RBM26: variants seen among roughly 807,000 people sequenced by gnomAD.
RBM26 encodes RNA-binding protein 26.
In RBM26, 30 loss-of-function variants were observed where a neutral mutation model predicts 123.6. The ratio of observed to expected loss-of-function variants is 0.24; its 90% CI spans 0.18 to 0.33. The LOEUF (loss-of-function observed/expected upper bound fraction) is 0.33, where lower values mean the gene tolerates loss of function less well. Among genes scored for constraint, RBM26 ranks in the 10% least tolerant of loss-of-function variants. RBM26 has a pLI of 1.00. For missense variants in RBM26, 947 were observed against 1,203.6 expected, an observed-to-expected ratio of 0.79 and a Z score of 3.15; for synonymous variants, 400 against 404.4, an observed-to-expected ratio of 0.99 and a Z score of 0.13.
At position 79,346,356 on chromosome 13, in the gene RBM26, T is replaced by C. The variant is rs146373218; in HGVS notation, c.2059-1562A>G. On this transcript the variant is annotated intron_variant, in intron 14 of 21. Coordinates refer to ENST00000438737, the MANE Select transcript of RBM26 (RefSeq NM_001366735.2). ...ATTTAAAAAGAAAGGTTCTTAACAATATTTGATGTGTATTAAAATTTGATC... is the reference window on the plus strand; with the variant it reads ...ATTTAAAAAGAAAGGTTCTTAACAACATTTGATGTGTATTAAAATTTGATC... 6.9e-3 allele frequency among the ~76,000 whole-genome samples: 1,044 copies of C among 152,294 alleles called. 19 individuals carry two copies. Among genetic ancestry groups the C allele is most frequent in the African/African-American group, 0.023 (964 of 41,554 alleles).
At chr13:79,375,957 T>C (rs1267688780) in intron 3 of RBM26, among the ~76,000 whole-genome samples, 6 of 152,014 alleles carry the variant, frequency 3.9e-5, no homozygotes, top group Admixed American at 1.3e-4. Context: ...AGTAAAATAA[T>C]GTATATAAAG....
At chr13:79,400,753 T>C (rs955469382) in intron 1 of RBM26, among the ~76,000 whole-genome samples, 1 of 152,196 alleles carries the variant, frequency 6.6e-6, no homozygotes, top group Non-Finnish European at 1.5e-5. Context: ...ACACTGATGT[T>C]ATACACGCAT....
intron 17 of RBM26, 47 bp from the exon 18 acceptor site, chr13:79,341,274 G>A (rs771122669): frequency 8.3e-7 from 1 of 1,199,090 alleles, no homozygotes; most frequent in South Asian, 1.3e-5. Context: ...TTACTATCCT[G>A]TATTGATACA....
chr13:79,364,551 T>C (rs186560859), intron 9 of RBM26, among the ~76,000 whole-genome samples: 3 of 152,338 alleles, frequency 2.0e-5, no homozygotes, highest in Admixed American at 2.0e-4. Context: ...GGAAATATTT[T>C]CCATTATGTC....
At chr13:79,329,168 G>C (rs9593391) in intron 20 of RBM26, among the ~76,000 whole-genome samples, 73,095 of 151,724 alleles carry the variant, frequency 0.48, 18,141 homozygotes, top group East Asian at 0.72. Context: ...AAAAACCATA[G>C]AGTCTAGAAT....
intron 6 of RBM26, among the ~76,000 whole-genome samples, chr13:79,367,539 CCCTCCCAAGGTAA>C (rs1413939756): frequency 4.8e-4 from 72 of 151,540 alleles, no homozygotes; most frequent in African/African-American, 1.7e-3. Flanking sequence ...TAGCTTGGTG[CCCTCCCAAGGTAA>C]CAAGTGAGTT....
chr13:79,351,595 T>C (rs1194840690), intron 14 of RBM26, among the ~76,000 whole-genome samples: 21 of 8,264 alleles, frequency 2.5e-3, no homozygotes, highest in Non-Finnish European at 8.0e-4. Flanking sequence ...TGGAATTTAG[T>C]TGGGGCGGCG....
chr13:79,340,838 G>C (rs930348773), intron 18 of RBM26, among the ~76,000 whole-genome samples: 6 of 151,828 alleles, frequency 4.0e-5, no homozygotes, highest in African/African-American at 1.2e-4. Context: ...TTCTATTCCA[G>C]GGAGGACAGA....
intron 9 of RBM26, among the ~76,000 whole-genome samples, chr13:79,364,347 A>G (rs764195909): frequency 1.8e-4 from 28 of 152,198 alleles, no homozygotes; most frequent in Non-Finnish European, 3.5e-4. Context: ...AAAAACACAA[A>G]GTATATGTAA....
At chr13:79,394,158 C>A (rs1227242912) in intron 1 of RBM26, among the ~76,000 whole-genome samples, 1 of 152,232 alleles carries the variant, frequency 6.6e-6, no homozygotes, top group Non-Finnish European at 1.5e-5. Flanking sequence ...TCTGCTGGCA[C>A]ATTGTGGGGA....
Position 79,377,413 on chromosome 13 carries a change from A to G in RBM26, c.293T>C (p.Phe98Ser), listed in dbSNP as rs1334762350. Residue 98 changes from phenylalanine to serine, a missense_variant, in exon 3 of 22, where the codon TTT becomes TCT. Physicochemically the swap from Phe to Ser is radical, Grantham distance 155. Around this residue, in one of 5 missense-constraint regions of RBM26, gnomAD observed 275 missense variants for 361.0 expected, o/e 0.76. Transcript: ENST00000438737. ...PSSGSLKVEF[F>S]PHQEKDIKKE... ...CTTTATATCTTTTTCTTGGTGTGGA[A>G]AAAATTCTACCTTCAGGCTTCCTGA... The G allele has an allele frequency of 6.2e-7, 1 of 1,613,986 alleles. No individual in the cohort carries two copies. Among genetic ancestry groups the G allele is most frequent in the Admixed American group, 1.7e-5 (1 of 60,024 alleles).
chr13:79,375,108 T>TATAAATATATATTTATATATATC (rs1240640846), intron 3 of RBM26, among the ~76,000 whole-genome samples: 3 of 142,374 alleles, frequency 2.1e-5, no homozygotes, highest in African/African-American at 5.2e-5. Flanking sequence ...ATATATATCA[T>TATAAATATATATTTATATATATC]ATAAATATAT....
At chr13:79,379,563 T>C (rs1367802334) in intron 1 of RBM26, among the ~76,000 whole-genome samples, 1 of 150,814 alleles carries the variant, frequency 6.6e-6, no homozygotes, top group Non-Finnish European at 1.5e-5. Context: ...AGAAAATGTA[T>C]TGAGACAACT....
At chr13:79,345,670 TCCTTACAAA>T (rs1486485543) in intron 14 of RBM26, among the ~76,000 whole-genome samples, 1 of 152,106 alleles carries the variant, frequency 6.6e-6, no homozygotes, top group Non-Finnish European at 1.5e-5. Context: ...GTGTCTAAAG[TCCTTACAAA>T]CCCAAAAATG....
chr13:79,386,658 GTTTT>G (rs71204717), intron 1 of RBM26, among the ~76,000 whole-genome samples: 1 of 133,282 alleles, frequency 7.5e-6, no homozygotes, highest in South Asian at 2.4e-4. Flanking sequence ...CATATTTAGG[GTTTT>G]TTTTTTTTTA....
At chr13:79,374,440 T>A (rs956184800) in intron 3 of RBM26, among the ~76,000 whole-genome samples, 2 of 152,048 alleles carry the variant, frequency 1.3e-5, no homozygotes, top group East Asian at 3.9e-4. Flanking sequence ...TGAGCCACTA[T>A]GGGGCCACGA....
rs1307785788 is a variant in RBM26 at position 79,366,617 on chromosome 13, A to C, written c.1135+16T>G. Reference sequence around the variant, plus strand: ...AATGGCTAGATAAATACAGGGAAACAAACAGATTTACTTACCTGTAACAGG... The same window carrying C: ...AATGGCTAGATAAATACAGGGAAACCAACAGATTTACTTACCTGTAACAGG... On this transcript the variant is annotated intron_variant, in intron 7 of 21. Transcript: ENST00000438737. 1 of 1,511,046 alleles carries C rather than the reference A, an allele frequency of 6.6e-7. No homozygotes were observed. Among genetic ancestry groups the C allele is most frequent in the Non-Finnish European group, 8.8e-7 (1 of 1,130,106 alleles). The allele number at this position is 1,511,046 out of a possible 1,614,324, so 93.6% of individuals were successfully genotyped here.
intron 9 of RBM26, among the ~76,000 whole-genome samples, chr13:79,365,137 G>A (rs566273318): frequency 6.6e-6 from 1 of 152,198 alleles, no homozygotes; most frequent in Non-Finnish European, 1.5e-5. Flanking sequence ...GAAGGATACA[G>A]GGAACAAACA....
At chr13:79,394,175 C>T (rs941533633) in intron 1 of RBM26, among the ~76,000 whole-genome samples, 2 of 152,210 alleles carry the variant, frequency 1.3e-5, no homozygotes, top group Non-Finnish European at 2.9e-5. Flanking sequence ...GGGACAAACA[C>T]TAACTGGAAC....
Sources: allele counts gnomAD v4.1 joint callset (sites outside exome capture counted in the v4.1 genomes callset), GRCh38; gene constraint gnomAD v4.1.1; regional missense constraint gnomAD v4.1.1; transcripts MANE v1.5; gene names NCBI Gene and HGNC (gene_info 2026-07-23, HGNC 2026-07-21).